Variants in DAB2IP observed in about 807,000 individuals in gnomAD.
DAB2IP encodes the protein disabled homolog 2-interacting protein.
In DAB2IP, 28 loss-of-function variants were observed where a neutral mutation model predicts 107.2. That is an observed-to-expected ratio of 0.26 (90% CI 0.19 to 0.36). The LOEUF (loss-of-function observed/expected upper bound fraction) is 0.36. Among genes scored for constraint, DAB2IP ranks in the 10% least tolerant of loss-of-function variants. DAB2IP has a pLI of 1.00. For synonymous variants in DAB2IP, 755 were observed against 706.4 expected (o/e 1.07, Z -1.09); for missense variants, 1,400 against 1,644.7 (o/e 0.85, Z 2.57).
At chr9:121,677,479 C>T (rs1833967490) in intron 1 of DAB2IP, among the ~76,000 whole-genome samples, 1 of 152,060 alleles carries the variant, frequency 6.6e-6, no homozygotes, top group African/African-American at 2.4e-5. Context: ...ATGATTGCAT[C>T]ACTGCACTCC....
At chr9:121,687,724 A>G (rs1828954660) in intron 2 of DAB2IP, among the ~76,000 whole-genome samples, 1 of 152,204 alleles carries the variant, frequency 6.6e-6, no homozygotes, top group Non-Finnish European at 1.5e-5. Context: ...CGAGGCTCAG[A>G]TAACACAAAT....
At chr9:121,600,058 A>G (rs1589389904) in intron 1 of DAB2IP, among the ~76,000 whole-genome samples, 1 of 151,050 alleles carries the variant, frequency 6.6e-6, no homozygotes, top group East Asian at 2.0e-4. Context: ...AGTACAATAC[A>G]GGGGATCGCG....
intron 3 of DAB2IP, among the ~76,000 whole-genome samples, chr9:121,725,833 G>A (rs779498614): frequency 1.3e-5 from 2 of 152,170 alleles, no homozygotes; most frequent in East Asian, 1.9e-4. Context: ...TAGCAGGAAG[G>A]CAGCAGGGTA....
chr9:121,646,485 C>T (rs1488803701), intron 1 of DAB2IP, among the ~76,000 whole-genome samples: 7 of 144,268 alleles, frequency 4.9e-5, no homozygotes, highest in South Asian at 2.3e-4. Context: ...ACAAGTGTCC[C>T]GCCACCCCCC....
chr9:121,755,052 G>T (rs1020552429), intron 3 of DAB2IP, among the ~76,000 whole-genome samples: 2 of 152,214 alleles, frequency 1.3e-5, no homozygotes, highest in Non-Finnish European at 2.9e-5. Flanking sequence ...CCCCATGTGG[G>T]AGGGAGGCCT....
chr9:121,655,691 C>T (rs949101632), intron 1 of DAB2IP, among the ~76,000 whole-genome samples: 1 of 152,178 alleles, frequency 6.6e-6, no homozygotes, highest in South Asian at 2.1e-4. Context: ...GGGGGTTAAT[C>T]TTGCTCTCCT....
At chr9:121,762,520 C>T (rs1422605874) in intron 6 of DAB2IP, among the ~76,000 whole-genome samples, 1 of 152,188 alleles carries the variant, frequency 6.6e-6, no homozygotes, top group East Asian at 1.9e-4. Context: ...TCCCTCTGTG[C>T]CTCTGCTGTG....
intron 1 of DAB2IP, among the ~76,000 whole-genome samples, chr9:121,630,379 G>A (rs928288883): frequency 6.6e-6 from 1 of 151,878 alleles, no homozygotes; most frequent in Non-Finnish European, 1.5e-5. Context: ...CAAAAAATTA[G>A]CCAGGCATGG....
At chr9:121,569,944 C>T (rs995554293) in intron 1 of DAB2IP, among the ~76,000 whole-genome samples, 3 of 150,526 alleles carry the variant, frequency 2.0e-5, no homozygotes, top group African/African-American at 7.4e-5. Flanking sequence ...CATACACCAC[C>T]ACACCTCACT....
Position 121,776,716 on chromosome 9 carries a change from G to T in DAB2IP, c.3314+325G>T, listed in dbSNP as rs1835225895. Among the ~76,000 whole-genome samples, 1 of 152,120 alleles carries T rather than the reference G, an allele frequency of 6.6e-6. No homozygotes were observed. Among genetic ancestry groups the T allele is most frequent in the Non-Finnish European group, 1.5e-5 (1 of 68,004 alleles). On this transcript the variant is annotated intron_variant, in intron 14 of 15. Transcript: ENST00000408936. This position sits in a 1 kb window ranked among gnomAD's most constrained non-coding sequence, Gnocchi z 5.4. The stretch of plus-strand genomic sequence containing the variant: ...GGGGCGCTGAGAAGCTGGATTGGGG[G>T]GTGCCAGGAAAGACAGGGAGGACCC...
At chr9:121,667,316 C>T (rs2119107013) in intron 1 of DAB2IP, among the ~76,000 whole-genome samples, 1 of 152,152 alleles carries the variant, frequency 6.6e-6, no homozygotes, top group Admixed American at 6.5e-5. Flanking sequence ...CAGGCGTGAG[C>T]CACCACGCCT....
chr9:121,781,692 G>A, intron 15 of DAB2IP, 141 bp downstream of exon 15: 1 of 825,598 alleles, frequency 1.2e-6, no homozygotes, highest in South Asian at 1.7e-5. Context: ...TGAGAAGTCA[G>A]ACCTGTGGTC....
chr9:121,605,064 G>C (rs564375848), intron 1 of DAB2IP, among the ~76,000 whole-genome samples: 1 of 152,318 alleles, frequency 6.6e-6, no homozygotes, highest in African/African-American at 2.4e-5. Flanking sequence ...CTGTCGCCCA[G>C]GCTGGAGTGC....
intron 1 of DAB2IP, among the ~76,000 whole-genome samples, chr9:121,658,257 C>T (rs1448380506): frequency 2.0e-5 from 3 of 152,222 alleles, no homozygotes; most frequent in East Asian, 1.9e-4. Context: ...ACCTCCCTCT[C>T]GGGGCCACTT....
At chr9:121,588,426 C>T (rs1830351161) in intron 1 of DAB2IP, among the ~76,000 whole-genome samples, 1 of 151,798 alleles carries the variant, frequency 6.6e-6, no homozygotes, top group African/African-American at 2.4e-5. Flanking sequence ...CCGTCCTCCT[C>T]ATCCCAACTG....
At chr9:121,771,668 A>G (rs1301053283) in intron 11 of DAB2IP, among the ~76,000 whole-genome samples, 1 of 152,074 alleles carries the variant, frequency 6.6e-6, no homozygotes, top group Non-Finnish European at 1.5e-5. Flanking sequence ...TTCTGAAAAG[A>G]CTGACCTGGT....
intron 1 of DAB2IP, among the ~76,000 whole-genome samples, chr9:121,644,263 G>C (rs1278525784): frequency 6.6e-6 from 1 of 151,740 alleles, no homozygotes; most frequent in African/African-American, 2.4e-5. Context: ...AAGGAGAAAG[G>C]AGGGAAGGAA....
At chr9:121,737,142 A>G (rs1245900873) in intron 3 of DAB2IP, 1 of 960,176 alleles carries the variant, frequency 1.0e-6, no homozygotes, top group Non-Finnish European at 1.2e-6. Context: ...AGGAGCCTGT[A>G]GGGACGGCTC....
chr9:121,649,352 C>A (rs1832657682), upstream of DAB2IP, among the ~76,000 whole-genome samples: 1 of 142,592 alleles, frequency 7.0e-6, no homozygotes, highest in African/African-American at 2.5e-5. Context: ...TGGAGCCCAG[C>A]TGTGCTTACA....
Sources: allele counts gnomAD v4.1 joint callset (sites outside exome capture counted in the v4.1 genomes callset), GRCh38; gene constraint gnomAD v4.1.1; non-coding constraint Gnocchi (gnomAD v3.1); transcripts MANE v1.5; gene names NCBI Gene and HGNC (gene_info 2026-07-23, HGNC 2026-07-21).